The following SPMIP4 variants were observed in gnomAD, a reference collection of about 807,000 sequenced individuals.
The protein encoded by SPMIP4 is sperm-associated microtubule inner protein 4.
At chr7:25,166,895 C>CA in the SPMIP4 span, among the ~76,000 whole-genome samples, 27,961 of 146,948 alleles carry the variant, frequency 0.19, 3,737 homozygotes, top group African/African-American at 0.39. Context: ...AACTCCACCT[C>CA]AAAAAAAAAA....
chr7:25,166,230 C>CTTTT, the SPMIP4 span, among the ~76,000 whole-genome samples: 23,953 of 68,936 alleles, frequency 0.35, 3,193 homozygotes, highest in African/African-American at 0.51. Context: ...TTCTTTCCGT[C>CTTTT]TTCTTTTTTT....
At chr7:25,135,880 C>G in the SPMIP4 span, 5 of 1,472,834 alleles carry the variant, frequency 3.4e-6, no homozygotes, top group Non-Finnish European at 4.5e-6. Context: ...GTGGTTTAAT[C>G]TAGAAAACAG....
At chr7:25,138,903 G>A in the SPMIP4 span, among the ~76,000 whole-genome samples, 3 of 152,186 alleles carry the variant, frequency 2.0e-5, no homozygotes, top group Non-Finnish European at 4.4e-5. The surrounding 1 kb of genome is among the most constrained non-coding windows in gnomAD (Gnocchi z 6.2). Context: ...TTCTTTTTAA[G>A]TTGTTTTATA....
the SPMIP4 span, among the ~76,000 whole-genome samples, chr7:25,143,936 T>C: frequency 6.6e-6 from 1 of 151,954 alleles, no homozygotes; most frequent in African/African-American, 2.4e-5. Context: ...AAGGGAGAGA[T>C]TGAATTCACC....
At chr7:25,177,367 C>T in the SPMIP4 span, among the ~76,000 whole-genome samples, 2 of 151,662 alleles carry the variant, frequency 1.3e-5, no homozygotes, top group Non-Finnish European at 3.0e-5. Flanking sequence ...CCTGTAGTCC[C>T]AGCTACTCAG....
the SPMIP4 span, among the ~76,000 whole-genome samples, chr7:25,147,062 G>GA: frequency 1.3e-5 from 2 of 152,190 alleles, no homozygotes; most frequent in Non-Finnish European, 2.9e-5. Context: ...TTGGGAGGCC[G>GA]AGGAGGGAGG....
At chr7:25,137,636 G>A in the SPMIP4 span, among the ~76,000 whole-genome samples, 1 of 152,086 alleles carries the variant, frequency 6.6e-6, no homozygotes, top group African/African-American at 2.4e-5. Context: ...TTGGCTTGTA[G>A]AGGCATGACC....
the SPMIP4 span, among the ~76,000 whole-genome samples, chr7:25,163,563 G>A: frequency 1.3e-5 from 2 of 152,156 alleles, no homozygotes; most frequent in Admixed American, 1.3e-4. The surrounding 1 kb of genome is among the most constrained non-coding windows in gnomAD (Gnocchi z 4.4). Flanking sequence ...GCTTCATAAC[G>A]AAGTGATCAT....
chr7:25,142,555 C>A, the SPMIP4 span: 1 of 1,203,512 alleles, frequency 8.3e-7, no homozygotes, highest in Non-Finnish European at 1.2e-6. Flanking sequence ...AAGGCAAAAA[C>A]ATGAGAAGTT....
the SPMIP4 span, among the ~76,000 whole-genome samples, chr7:25,159,222 G>A: frequency 3.6e-3 from 546 of 152,332 alleles, 3 homozygotes; most frequent in African/African-American, 0.013. Context: ...AGCTGGAGAG[G>A]ATATTTAAGT....
At chr7:25,150,661 T>C in the SPMIP4 span, among the ~76,000 whole-genome samples, 2 of 152,252 alleles carry the variant, frequency 1.3e-5, no homozygotes, top group Non-Finnish European at 2.9e-5. Context: ...TCTTGATTTA[T>C]AATTTTCTCT....
chr7:25,159,466 A>G, the SPMIP4 span, among the ~76,000 whole-genome samples: 2 of 152,246 alleles, frequency 1.3e-5, no homozygotes, highest in Admixed American at 1.3e-4. Context: ...ATCCACCTAC[A>G]TTGGATTTCA....
the SPMIP4 span, among the ~76,000 whole-genome samples, chr7:25,134,354 C>CA: frequency 1.6e-5 from 2 of 123,932 alleles, no homozygotes; most frequent in Admixed American, 7.8e-5. Flanking sequence ...AAAAAAAAAC[C>CA]AAAAAAACAA....
the SPMIP4 span, among the ~76,000 whole-genome samples, chr7:25,147,360 T>C: frequency 1.3e-5 from 2 of 152,120 alleles, no homozygotes; most frequent in Admixed American, 1.3e-4. Context: ...ATTGGTTTGG[T>C]AACAGATGGA....
the SPMIP4 span, chr7:25,136,120 A>G: frequency 7.0e-5 from 113 of 1,614,102 alleles, no homozygotes; most frequent in African/African-American, 1.4e-3. This position sits in a 1 kb window ranked among gnomAD's most constrained non-coding sequence, Gnocchi z 5.7. Flanking sequence ...CTTAAGCTCC[A>G]GCAGGTTGGT....
At chr7:25,151,519 A>C in the SPMIP4 span, 1 of 913,692 alleles carries the variant, frequency 1.1e-6, no homozygotes, top group East Asian at 2.7e-5. Flanking sequence ...CACCATGTCA[A>C]GCCTAGATTT....
chr7:25,136,387 G>A, the SPMIP4 span: 12 of 1,614,158 alleles, frequency 7.4e-6, no homozygotes, highest in Non-Finnish European at 1.0e-5. This position sits in a 1 kb window ranked among gnomAD's most constrained non-coding sequence, Gnocchi z 5.7. Context: ...ACAGTAAGGT[G>A]TGGGTTGGGT....
the SPMIP4 span, among the ~76,000 whole-genome samples, chr7:25,148,156 T>A: frequency 6.6e-6 from 1 of 152,210 alleles, no homozygotes; most frequent in Admixed American, 6.5e-5. Flanking sequence ...ATTCTTGTTA[T>A]GAGTTCCATT....
chr7:25,134,087 C>T, the SPMIP4 span, among the ~76,000 whole-genome samples: 1 of 151,982 alleles, frequency 6.6e-6, no homozygotes, highest in South Asian at 2.1e-4. Context: ...AGTGAAAACT[C>T]TTCTCTACTA....
Sources: allele counts gnomAD v4.1 joint callset (sites outside exome capture counted in the v4.1 genomes callset), GRCh38; gene constraint gnomAD v4.1.1; non-coding constraint Gnocchi (gnomAD v3.1); transcripts MANE v1.5; gene names NCBI Gene and HGNC (gene_info 2026-07-23, HGNC 2026-07-21).